Variants in KIAA1549L observed in about 807,000 individuals in gnomAD.
KIAA1549L encodes the protein UPF0606 protein KIAA1549L.
In KIAA1549L, 88 loss-of-function variants were observed where a neutral mutation model predicts 160.7. The observed-to-expected ratio is 0.55, with a 90% CI of 0.46 to 0.65. KIAA1549L has a LOEUF of 0.65. Among genes scored for constraint, KIAA1549L ranks in the 30% least tolerant of loss-of-function variants. The probability of loss-of-function intolerance (pLI) is 0.00; values close to 1 mark genes in which losing one functional copy is unlikely to be tolerated. For missense variants in KIAA1549L, 2,258 were observed against 2,437.5 expected, an observed-to-expected ratio of 0.93 and a Z score of 1.55; for synonymous variants, 950 against 976.7, an observed-to-expected ratio of 0.97 and a Z score of 0.51.
chr11:33,408,510 T>TATATATATATATATAC lies in KIAA1549L; in HGVS notation c.238+31622_238+31623insTATATATATATATACA, dbSNP rs58439063. Among the ~76,000 whole-genome samples the TATATATATATATATAC allele has an allele frequency of 2.2e-3, 317 of 146,040 alleles. 1 individual carries two copies. The highest frequency in any genetic ancestry group is 7.0e-3 in the African/African-American group (272 of 39,092). On this transcript the variant is annotated intron_variant, in intron 1 of 20. Transcript: ENST00000658780. ...ATGTGTATATATATATATATATATA[T>TATATATATATATATAC]ACACATGTATATATGTATACAGAAA...
intron 8 of KIAA1549L, among the ~76,000 whole-genome samples, chr11:33,563,825 C>T (rs1326075022): frequency 2.0e-5 from 3 of 151,980 alleles, no homozygotes; most frequent in Admixed American, 1.3e-4. Context: ...GATATTCCTC[C>T]CTTCTATTAA....
chr11:33,659,027 C>A, intron 19 of KIAA1549L, 129 bp downstream of exon 19: 2 of 983,066 alleles, frequency 2.0e-6, no homozygotes, highest in Non-Finnish European at 2.9e-6. Context: ...ATTTCTGGAT[C>A]CCCTCATAAC....
chr11:33,444,902 C>T (rs1386816708), intron 1 of KIAA1549L, among the ~76,000 whole-genome samples: 3 of 152,188 alleles, frequency 2.0e-5, no homozygotes, highest in African/African-American at 4.8e-5. Context: ...TTATAGCTCT[C>T]TGTACTCTCT....
At chr11:33,455,726 A>G (rs1851808681) in intron 1 of KIAA1549L, among the ~76,000 whole-genome samples, 1 of 152,218 alleles carries the variant, frequency 6.6e-6, no homozygotes, top group Non-Finnish European at 1.5e-5. Flanking sequence ...CTAAATACAC[A>G]GAAGATTCTA....
chr11:33,570,633 A>C (rs981556189), intron 9 of KIAA1549L, among the ~76,000 whole-genome samples: 1 of 152,174 alleles, frequency 6.6e-6, no homozygotes, highest in African/African-American at 2.4e-5. Context: ...TTCTACCCTG[A>C]GGCCTTTCTT....
chr11:33,618,749 C>A, intron 16 of KIAA1549L, 87 bp downstream of exon 16: 1 of 1,227,814 alleles, frequency 8.1e-7, no homozygotes, highest in East Asian at 2.8e-5. Flanking sequence ...TTTTGGTTTA[C>A]CACATATTTG....
At chr11:33,634,601 G>A (rs982978407) in intron 16 of KIAA1549L, among the ~76,000 whole-genome samples, 1 of 152,188 alleles carries the variant, frequency 6.6e-6, no homozygotes. Context: ...GGAGAAAGAC[G>A]GGAAGTTGAG....
intron 1 of KIAA1549L, among the ~76,000 whole-genome samples, chr11:33,527,217 A>G (rs1853634101): frequency 1.3e-5 from 2 of 152,190 alleles, no homozygotes; most frequent in Admixed American, 1.3e-4. Flanking sequence ...AGAAATCAAA[A>G]AGTTTGGAAA....
chr11:33,591,484 G>T (rs1590376066), intron 12 of KIAA1549L, 63 bp downstream of exon 12: 1 of 1,315,192 alleles, frequency 7.6e-7, no homozygotes, highest in Non-Finnish European at 1.1e-6. Context: ...GATGAGAAAA[G>T]CTGATGCCCT....
At chr11:33,633,621 AC>A (rs1319074105) in intron 16 of KIAA1549L, among the ~76,000 whole-genome samples, 1 of 152,184 alleles carries the variant, frequency 6.6e-6, no homozygotes, top group Non-Finnish European at 1.5e-5. Context: ...GTGATGACTC[AC>A]CTAGAAAGCA....
In KIAA1549L at chr11:33,667,770, C is replaced by T. The variant is rs1013854515; in HGVS notation, c.6160-103C>T. 1.4e-5 allele frequency: 13 copies of T among 957,998 alleles called. 1 individual carries two copies. Among genetic ancestry groups the T allele is most frequent in the Non-Finnish European group, 2.0e-5 (13 of 645,512 alleles). The allele number at this position is 957,998 out of a possible 1,614,324, so 59.3% of individuals were successfully genotyped here. On this transcript the variant is annotated intron_variant, in intron 20 of 20. Coordinates refer to ENST00000658780, the MANE Select transcript of KIAA1549L (RefSeq NM_012194.3). ...CTTCCATTTTCTTCTAAGTTCTCTT[C>T]CATGTCCTCAGCCCCCTCCTGCTTC...
chr11:33,546,614 A>G (rs1160824687), intron 3 of KIAA1549L, among the ~76,000 whole-genome samples: 1 of 152,140 alleles, frequency 6.6e-6, no homozygotes, highest in Non-Finnish European at 1.5e-5. Flanking sequence ...CACCTCTTCA[A>G]TCTGTTCTCC....
chr11:33,508,830 T>C (rs541359223), intron 1 of KIAA1549L, among the ~76,000 whole-genome samples: 11 of 152,320 alleles, frequency 7.2e-5, no homozygotes, highest in African/African-American at 2.4e-4. Flanking sequence ...GTTTTTGCTG[T>C]AGGCCAGCCC....
In KIAA1549L at chr11:33,552,133, C is replaced by A. The variant is rs554532909; in HGVS notation, c.3747C>A (p.Asp1249Glu). The A allele has an allele frequency of 8.1e-6, 13 of 1,613,466 alleles. No individual in the cohort carries two copies. In the African/African-American group the frequency reaches 1.3e-4, roughly 17 times the overall value. ...TGCTGCAGTTTGTGAGCCAAGCGGACAACATACAGTCCTGCAAGTTTGCTC... is the reference window on the plus strand; with the variant it reads ...TGCTGCAGTTTGTGAGCCAAGCGGAAAACATACAGTCCTGCAAGTTTGCTC... ...KTVLQFVSQA[D>E]NIQSCKFAQT... Residue 1249 changes from aspartate (D) to glutamate (E), a missense_variant, in exon 6 of 21, where the codon GAC becomes GAA. By Grantham distance (45) the Asp-to-Glu change is conservative. Transcript: ENST00000658780.
At chr11:33,436,265 G>A (rs1163716152) in intron 1 of KIAA1549L, among the ~76,000 whole-genome samples, 1 of 152,158 alleles carries the variant, frequency 6.6e-6, no homozygotes, top group Non-Finnish European at 1.5e-5. Context: ...CATATAATAA[G>A]GAACTGGCTC....
chr11:33,510,483 G>A (rs1481199438), intron 1 of KIAA1549L, among the ~76,000 whole-genome samples: 2 of 152,108 alleles, frequency 1.3e-5, no homozygotes, highest in Non-Finnish European at 2.9e-5. Flanking sequence ...CACTGTGCAT[G>A]GCCAGGACAA....
At chr11:33,439,131 G>A (rs575409629) in intron 1 of KIAA1549L, among the ~76,000 whole-genome samples, 1 of 152,262 alleles carries the variant, frequency 6.6e-6, no homozygotes, top group Admixed American at 6.5e-5. Context: ...AATTTACCAT[G>A]TTGGTCAGGC....
chr11:33,640,144 T>C (rs1851546772), intron 16 of KIAA1549L, among the ~76,000 whole-genome samples: 1 of 152,200 alleles, frequency 6.6e-6, no homozygotes, highest in Non-Finnish European at 1.5e-5. Context: ...ATATAAAATA[T>C]ACATATATGC....
chr11:33,603,199 T>C (rs1235260889), intron 13 of KIAA1549L, among the ~76,000 whole-genome samples: 1 of 120,468 alleles, frequency 8.3e-6, no homozygotes, highest in Non-Finnish European at 2.0e-5. Flanking sequence ...GCCAACTATA[T>C]GTGAGACACT....
Sources: allele counts gnomAD v4.1 joint callset (sites outside exome capture counted in the v4.1 genomes callset), GRCh38; gene constraint gnomAD v4.1.1; transcripts MANE v1.5; gene names NCBI Gene and HGNC (gene_info 2026-07-23, HGNC 2026-07-21).